Variants in CADPS2 observed in about 807,000 individuals in gnomAD.
The protein encoded by CADPS2 is calcium-dependent secretion activator 2.
In CADPS2, 93 loss-of-function variants were observed where a neutral mutation model predicts 172.5. The observed-to-expected ratio is 0.54, with a 90% CI of 0.46 to 0.64. CADPS2 has a LOEUF of 0.64. CADPS2 is among the 30% of genes least tolerant of loss of function. The probability of loss-of-function intolerance (pLI) is 0.00; values close to 1 mark genes in which losing one functional copy is unlikely to be tolerated. For missense variants in CADPS2, 1,420 were observed against 1,565.9 expected (o/e 0.91, Z 1.57); for synonymous variants, 546 against 555.2 (o/e 0.98, Z 0.23).
At chr7:122,468,095 C>G (rs2055402379) in intron 14 of CADPS2, among the ~76,000 whole-genome samples, 1 of 152,196 alleles carries the variant, frequency 6.6e-6, no homozygotes, top group Non-Finnish European at 1.5e-5. Context: ...GAGCTCAACA[C>G]TGTGCAATAG....
In CADPS2 at chr7:122,541,798, CAT is replaced by C. The variant is rs560886350; in HGVS notation, c.1475+12750_1475+12751del. ...ACATATATTCATATATTTATATATT[CAT>C]ATATATTTATATATTCATATGTTTA... On this transcript the variant is annotated intron_variant, in intron 8 of 29. Coordinates refer to ENST00000449022, the MANE Select transcript of CADPS2 (RefSeq NM_017954.11). 2.0e-4 allele frequency among the ~76,000 whole-genome samples: 18 copies of C among 88,944 alleles called. No homozygotes were observed. The East Asian group carries it at 2.7e-3, about 14-fold the overall frequency. 58.4% of individuals were successfully genotyped at this position (88,944 alleles called of 152,430 possible). A position where few individuals can be genotyped will look rare whatever the true frequency, so the allele number is the denominator to read the frequency against.
chr7:122,366,547 G>C (rs1471024988), intron 25 of CADPS2, among the ~76,000 whole-genome samples: 1 of 150,524 alleles, frequency 6.6e-6, no homozygotes, highest in Non-Finnish European at 1.5e-5. Context: ...GGAGGTTGAA[G>C]TGAGTCGAGA....
intron 8 of CADPS2, among the ~76,000 whole-genome samples, chr7:122,521,214 GCAGAA>G (rs2060761804): frequency 1.3e-5 from 2 of 152,110 alleles, no homozygotes; most frequent in Admixed American, 6.6e-5. Context: ...TTAACATGTG[GCAGAA>G]GTAATCATCC....
At chr7:122,498,368 T>G (rs34427116) in intron 9 of CADPS2, among the ~76,000 whole-genome samples, 6,117 of 152,326 alleles carry the variant, frequency 0.04, 215 homozygotes, top group Non-Finnish European at 0.055. Context: ...ATTTCTTATA[T>G]CTGATAATTC....
At chr7:122,631,779 G>A (rs1246653144) in intron 3 of CADPS2, among the ~76,000 whole-genome samples, 1 of 151,626 alleles carries the variant, frequency 6.6e-6, no homozygotes, top group Non-Finnish European at 1.5e-5. Context: ...TTGAGGTTGG[G>A]GATATGGATG....
intron 4 of CADPS2, among the ~76,000 whole-genome samples, chr7:122,624,153 C>T (rs548639327): frequency 7.8e-4 from 118 of 152,238 alleles, no homozygotes; most frequent in African/African-American, 2.8e-3. Context: ...CTTGTGTTGT[C>T]CCTCACTGGC....
chr7:122,521,224 T>A (rs2060762799), intron 8 of CADPS2, among the ~76,000 whole-genome samples: 2 of 152,104 alleles, frequency 1.3e-5, no homozygotes, highest in Admixed American at 6.6e-5. Context: ...GCAGAAGTAA[T>A]CATCCACTTG....
chr7:122,692,009 G>A (rs932929413), intron 2 of CADPS2, among the ~76,000 whole-genome samples: 2 of 152,140 alleles, frequency 1.3e-5, no homozygotes, highest in Admixed American at 6.5e-5. Flanking sequence ...TGCCAAGTCC[G>A]CATATGGCCT....
chr7:122,368,702 T>C (rs756903854), intron 25 of CADPS2, among the ~76,000 whole-genome samples: 16 of 152,330 alleles, frequency 1.1e-4, no homozygotes, highest in Admixed American at 2.0e-4. Context: ...CTTAAAACTA[T>C]AAAAATGTTT....
At chr7:122,431,880 C>T (rs1446196228) in intron 17 of CADPS2, among the ~76,000 whole-genome samples, 1 of 134,112 alleles carries the variant, frequency 7.5e-6, no homozygotes, top group Non-Finnish European at 1.5e-5. Context: ...AAGATCGTGC[C>T]ACTGCACACC....
chr7:122,645,472 T>TATAA (rs2078344267), intron 3 of CADPS2, among the ~76,000 whole-genome samples: 4 of 97,972 alleles, frequency 4.1e-5, no homozygotes, highest in Non-Finnish European at 2.3e-5. Flanking sequence ...TGTGTATATA[T>TATAA]GTATATATAT....
At chr7:122,761,370 T>C (rs1200577553) in intron 1 of CADPS2, among the ~76,000 whole-genome samples, 2 of 151,480 alleles carry the variant, frequency 1.3e-5, no homozygotes, top group Admixed American at 1.3e-4. Context: ...AAAATAAATA[T>C]AGCTGATGGC....
intron 15 of CADPS2, among the ~76,000 whole-genome samples, chr7:122,448,506 G>C (rs942145999): frequency 1.3e-5 from 2 of 152,250 alleles, no homozygotes; most frequent in African/African-American, 4.8e-5. Flanking sequence ...GAGAAATAGA[G>C]AAACAAAACT....
intron 24 of CADPS2, chr7:122,382,127 GTCAT>G (rs2043089184): frequency 6.6e-6 from 1 of 152,066 alleles, no homozygotes; most frequent in South Asian, 2.1e-4. Flanking sequence ...GCTAGAAAAA[GTCAT>G]TCATTAGGGG....
At chr7:122,774,365 TA>T in intron 1 of CADPS2, among the ~76,000 whole-genome samples, 1 of 151,920 alleles carries the variant, frequency 6.6e-6, no homozygotes, top group South Asian at 2.1e-4. Flanking sequence ...TTACTTTCTT[TA>T]AAATGTAAAG....
At chr7:122,474,570 G>A (rs766188045) in intron 12 of CADPS2, 53 bp from the exon 13 acceptor site, 1 of 1,546,486 alleles carries the variant, frequency 6.5e-7, no homozygotes. Flanking sequence ...GCTTAATGAT[G>A]GACATACAAG....
intron 2 of CADPS2, among the ~76,000 whole-genome samples, chr7:122,726,713 C>CTG (rs1004537404): frequency 2.2e-5 from 3 of 138,774 alleles, no homozygotes; most frequent in East Asian, 4.4e-4. Context: ...CTCTTAAAAA[C>CTG]TTTTAAAAAA....
intron 8 of CADPS2, among the ~76,000 whole-genome samples, chr7:122,519,094 C>T (rs1299761284): frequency 2.8e-5 from 4 of 141,438 alleles, no homozygotes; most frequent in African/African-American, 7.6e-5. Flanking sequence ...TGGGTTGGGG[C>T]GGGGGAGGGA....
chr7:122,790,023 TAAG>T (rs1379874116), intron 1 of CADPS2, among the ~76,000 whole-genome samples: 5 of 146,350 alleles, frequency 3.4e-5, no homozygotes, highest in African/African-American at 5.2e-5. Flanking sequence ...AAACAAATAT[TAAG>T]TGTTTTTTTT....
Sources: allele counts gnomAD v4.1 joint callset (sites outside exome capture counted in the v4.1 genomes callset), GRCh38; gene constraint gnomAD v4.1.1; transcripts MANE v1.5; gene names NCBI Gene and HGNC (gene_info 2026-07-23, HGNC 2026-07-21).